Variants in RSPO2 observed in about 807,000 individuals in gnomAD.
RSPO2 encodes the protein R-spondin-2.
Under a neutral mutation model 30.9 loss-of-function variants are expected in RSPO2, and 14 were observed. The observed-to-expected ratio is 0.45, with a 90% CI of 0.30 to 0.71. RSPO2 has a LOEUF of 0.71. Among genes scored for constraint, RSPO2 ranks in the 30% least tolerant of loss-of-function variants. The pLI, the probability that RSPO2 is intolerant of heterozygous loss-of-function variation, is 0.08. For missense variants in RSPO2, 264 were observed against 301.9 expected (o/e 0.87, Z 0.93); for synonymous variants, 107 against 96.4 (o/e 1.11, Z -0.64).
At chr8:107,904,067 A>C (rs1485626490) in intron 5 of RSPO2, among the ~76,000 whole-genome samples, 2 of 152,038 alleles carry the variant, frequency 1.3e-5, no homozygotes, top group Non-Finnish European at 2.9e-5. Flanking sequence ...TAAAGCTAAC[A>C]AAAAAATCCT....
At chr8:108,032,721 C>G (rs1811461492) in intron 2 of RSPO2, among the ~76,000 whole-genome samples, 1 of 152,076 alleles carries the variant, frequency 6.6e-6, no homozygotes, top group African/African-American at 2.4e-5. Flanking sequence ...GCCTCAAACT[C>G]CTGGGCTCAA....
At chr8:108,068,605 G>A (rs1299390776) in intron 2 of RSPO2, among the ~76,000 whole-genome samples, 1 of 152,170 alleles carries the variant, frequency 6.6e-6, no homozygotes, top group Non-Finnish European at 1.5e-5. Flanking sequence ...CTGTGAATGT[G>A]GCCTTATTTG....
chr8:108,014,844 T>TAAAAAAAAAAAA (rs5893898), intron 2 of RSPO2, among the ~76,000 whole-genome samples: 3 of 106,464 alleles, frequency 2.8e-5, no homozygotes, highest in Admixed American at 9.9e-5. Context: ...TAAAGTATAA[T>TAAAAAAAAAAAA]AAAAAAAAAA....
Position 108,031,598 on chromosome 8 carries a change from G to A in RSPO2, c.95-42354C>T, listed in dbSNP as rs111273695. On this transcript the variant is annotated intron_variant, in intron 2 of 5. Transcript: ENST00000276659. ...TTACATAAAAAACAAAACGGTAAAA[G>A]GCCGTAACTTCATACACTGAACATT... 2.0e-3 allele frequency among the ~76,000 whole-genome samples: 310 copies of A among 152,238 alleles called. 1 individual carries two copies. The highest frequency in any genetic ancestry group is 7.0e-3 in the African/African-American group (290 of 41,558).
intron 2 of RSPO2, among the ~76,000 whole-genome samples, chr8:108,000,106 A>G (rs1815185977): frequency 6.6e-6 from 1 of 152,216 alleles, no homozygotes; most frequent in Non-Finnish European, 1.5e-5. Flanking sequence ...AGGAAAGACG[A>G]TGAACTGAGG....
intron 3 of RSPO2, among the ~76,000 whole-genome samples, chr8:107,978,583 G>GA (rs1814300437): frequency 2.0e-5 from 3 of 152,122 alleles, no homozygotes; most frequent in Admixed American, 2.0e-4. Context: ...AACCCTAGAA[G>GA]AAAACCTAGG....
At chr8:107,998,452 TAA>T (rs1229883670) in intron 2 of RSPO2, among the ~76,000 whole-genome samples, 2 of 152,212 alleles carry the variant, frequency 1.3e-5, no homozygotes, top group Non-Finnish European at 2.9e-5. Context: ...ATGCCTATCT[TAA>T]GATACTTTGC....
intron 5 of RSPO2, among the ~76,000 whole-genome samples, chr8:107,934,547 T>C (rs968121395): frequency 3.3e-5 from 5 of 151,978 alleles, no homozygotes; most frequent in Non-Finnish European, 7.4e-5. Flanking sequence ...TAATTTTGTA[T>C]TTTTAGTAGA....
intron 2 of RSPO2, among the ~76,000 whole-genome samples, chr8:108,061,805 TG>T (rs2130705185): frequency 6.6e-6 from 1 of 151,864 alleles, no homozygotes; most frequent in African/African-American, 2.4e-5. Context: ...CCTCAGCAAA[TG>T]TAAAAGAACA....
At chr8:107,994,032 A>G (rs766961900) in intron 2 of RSPO2, among the ~76,000 whole-genome samples, 6 of 152,120 alleles carry the variant, frequency 3.9e-5, no homozygotes, top group Non-Finnish European at 8.8e-5. Flanking sequence ...CCAGGAGGAT[A>G]TGAGTTGGGG....
chr8:107,924,616 T>TA (rs1812293197), intron 5 of RSPO2, among the ~76,000 whole-genome samples: 4 of 152,038 alleles, frequency 2.6e-5, no homozygotes, highest in Non-Finnish European at 5.9e-5. Context: ...ATTATTAATG[T>TA]ATAGTAATTA....
At position 107,918,505 on chromosome 8, in the gene RSPO2, C is replaced by T. The variant is rs550391485; in HGVS notation, c.617-17315G>A. On this transcript the variant is annotated intron_variant, in intron 5 of 5. Coordinates refer to ENST00000276659, the MANE Select transcript of RSPO2 (RefSeq NM_178565.5). Reference sequence around the variant, plus strand: ...GCCTCATATCTTGTCTGTACAGTCCCTGTACAAGGTTCCTGACCTGTGGTA... The same window carrying T: ...GCCTCATATCTTGTCTGTACAGTCCTTGTACAAGGTTCCTGACCTGTGGTA... Among the ~76,000 whole-genome samples the T allele has an allele frequency of 7.2e-5, 11 of 152,210 alleles. No homozygotes were observed. The East Asian group carries it at 1.4e-3, about 19-fold the overall frequency.
At chr8:108,014,203 G>C (rs1054245833) in intron 2 of RSPO2, among the ~76,000 whole-genome samples, 5 of 152,166 alleles carry the variant, frequency 3.3e-5, no homozygotes, top group African/African-American at 1.2e-4. Flanking sequence ...ACAGATGCTG[G>C]AGAGGATGTG....
intron 5 of RSPO2, among the ~76,000 whole-genome samples, chr8:107,936,626 A>G (rs577530896): frequency 6.6e-6 from 1 of 152,136 alleles, no homozygotes; most frequent in East Asian, 1.9e-4. Context: ...AGCATCTGTT[A>G]TTGTCTTTTT....
intron 2 of RSPO2, among the ~76,000 whole-genome samples, chr8:108,037,965 A>AT (rs1251673685): frequency 3.7e-4 from 57 of 152,226 alleles, no homozygotes; most frequent in Admixed American, 3.7e-3. Flanking sequence ...CACAAGATCC[A>AT]TTATGTAGCC....
chr8:107,926,635 C>A (rs541497239), intron 5 of RSPO2, among the ~76,000 whole-genome samples: 2 of 152,038 alleles, frequency 1.3e-5, no homozygotes, highest in East Asian at 1.9e-4. Flanking sequence ...TTTCCCATCA[C>A]CATTTATTAA....
At chr8:108,017,109 C>T (rs937923310) in intron 2 of RSPO2, among the ~76,000 whole-genome samples, 1 of 151,940 alleles carries the variant, frequency 6.6e-6, no homozygotes, top group African/African-American at 2.4e-5. Context: ...CTCCGCCTCC[C>T]AGGTTCACAC....
intron 5 of RSPO2, among the ~76,000 whole-genome samples, chr8:107,937,128 T>C (rs2130363196): frequency 6.6e-6 from 1 of 151,232 alleles, no homozygotes; most frequent in African/African-American, 2.4e-5. Flanking sequence ...CAGGCCTTAG[T>C]TTAAGTCTTT....
At chr8:107,943,520 G>A (rs575961148) in intron 5 of RSPO2, among the ~76,000 whole-genome samples, 52 of 152,308 alleles carry the variant, frequency 3.4e-4, no homozygotes, top group Middle Eastern at 3.4e-3. Flanking sequence ...ACATGCTCAC[G>A]TGCCATCGCC....
Sources: gnomAD v4.1 joint callset for allele counts (sites outside exome capture counted in the v4.1 genomes callset) on GRCh38, gnomAD v4.1.1 for gene constraint, MANE v1.5 for transcripts, NCBI Gene and HGNC (gene_info 2026-07-23, HGNC 2026-07-21) for gene names.